DCAKD: variants seen among roughly 807,000 people sequenced by gnomAD.
DCAKD encodes the protein dephospho-CoA kinase domain containing, also known as dephospho-CoA kinase domain-containing protein.
DCAKD carries 15 observed loss-of-function variants against 18.7 expected under a neutral mutation model. The observed-to-expected ratio is 0.80, with a 90% CI of 0.54 to 1.24. The LOEUF (loss-of-function observed/expected upper bound fraction) is 1.24, where lower values mean the gene tolerates loss of function less well. Among genes scored for constraint, DCAKD ranks in the 50% most tolerant of loss-of-function variants. The probability of loss-of-function intolerance (pLI) is 0.00; values close to 1 mark genes in which losing one functional copy is unlikely to be tolerated. For missense variants in DCAKD, 301 were observed against 322.0 expected, an observed-to-expected ratio of 0.93 and a Z score of 0.50; for synonymous variants, 130 against 133.0, an observed-to-expected ratio of 0.98 and a Z score of 0.16.
Position 45,045,740 on chromosome 17 carries a change from A to C in DCAKD, c.-115+5621T>G, listed in dbSNP as rs1202617622. 2.4e-4 allele frequency among the ~76,000 whole-genome samples: 37 copies of C among 151,052 alleles called. No individual in the cohort carries two copies. In the Admixed American group the frequency reaches 2.5e-3, roughly 10 times the overall value. The stretch of plus-strand genomic sequence containing the variant: ...GAGCAAGACTCTGTCTCAAAAAAAA[A>C]AAAAAAAAAGATACTTGTTGAATTA... On this transcript the variant is annotated intron_variant, in intron 1 of 4. Coordinates refer to ENST00000651974, the MANE Select transcript of DCAKD (RefSeq NM_001288655.2).
At chr17:45,043,704 C>G (rs2053492847) in intron 1 of DCAKD, among the ~76,000 whole-genome samples, 2 of 152,202 alleles carry the variant, frequency 1.3e-5, no homozygotes, top group Non-Finnish European at 2.9e-5. Flanking sequence ...CGAAGCTGGA[C>G]TTGTCCGAAT....
chr17:45,042,079 GCACTC>G (rs2053451228), intron 1 of DCAKD, among the ~76,000 whole-genome samples: 3 of 151,984 alleles, frequency 2.0e-5, no homozygotes, highest in Non-Finnish European at 4.4e-5. Flanking sequence ...CTGTACCACT[GCACTC>G]CAGCCTGGGT....
In DCAKD at chr17:45,034,197, G is replaced by A; in HGVS notation, c.306C>T (p.Tyr102=). The change falls in exon 3 of 5, where the codon TAC becomes TAT. Residue 102 remains tyrosine (Y), a synonymous_variant. Coordinates refer to ENST00000651974, the MANE Select transcript of DCAKD (RefSeq NM_001288655.2). ...RKEMMKETFK[Y]FLRGYRYVIL... Reference sequence around the variant, plus strand: ...GGCCCTGGCACTTACCCCGGAGGAAGTACTTGAACGTCTCCTTCATCATCT... The same window carrying A: ...GGCCCTGGCACTTACCCCGGAGGAAATACTTGAACGTCTCCTTCATCATCT... 6.2e-7 allele frequency: 1 copy of A among 1,613,984 alleles called. No individual in the cohort carries two copies. Among genetic ancestry groups the A allele is most frequent in the Non-Finnish European group, 8.5e-7 (1 of 1,179,990 alleles).
rs746611957 is a variant in DCAKD, at chr17:45,034,775, G to A, written c.111C>T (p.His37=). Residue 37 remains histidine (H), a splice_region_variant and synonymous_variant, in exon 2 of 5, where the codon CAC becomes CAT. Coordinates refer to ENST00000651974, the MANE Select transcript of DCAKD (RefSeq NM_001288655.2). ...AVIDVDVMAR[H]VVQPGYPAHR... is the part of the protein sequence containing the mutation. ...CCCCAACCTGCCCCTCCAACTCACC[G>A]TGCCGGGCCATCACGTCCACGTCAA... 13 of 1,613,882 alleles carry A rather than the reference G, an allele frequency of 8.1e-6. No homozygotes were observed. The highest frequency in any genetic ancestry group is 7.7e-5 in the South Asian group (7 of 91,038).
rs1597953669 is a variant in DCAKD at position 45,034,443 on chromosome 17, G to C, written c.113-53C>G. On this transcript the variant is annotated intron_variant, in intron 2 of 4. Coordinates refer to ENST00000651974, the MANE Select transcript of DCAKD (RefSeq NM_001288655.2). ...CTCCCTGAAGCCTCAGGGCCAGTCA[G>C]AGGACCTCAGTGACCAGGGGCAAAA... The C allele has an allele frequency of 2.5e-6, 4 of 1,596,640 alleles. No homozygotes were observed. The East Asian group carries it at 6.8e-5, about 27-fold the overall frequency.
At chr17:45,045,549 T>C (rs1232835555) in intron 1 of DCAKD, among the ~76,000 whole-genome samples, 5 of 152,018 alleles carry the variant, frequency 3.3e-5, no homozygotes, top group African/African-American at 9.7e-5. Context: ...CTGGCCAATA[T>C]GGTGAAACCC....
Position 45,034,917 on chromosome 17 carries a change from C to T in DCAKD, c.-32G>A, listed in dbSNP as rs375423921. On this transcript the variant is annotated 5_prime_UTR_variant, in exon 2 of 5. Transcript: ENST00000651974. Reference sequence around the variant, plus strand: ...GGAAAGAGAGCTGTCCGCGAGACTACGGAGCCAGGAGCTACAGAATCACTG... The same window carrying T: ...GGAAAGAGAGCTGTCCGCGAGACTATGGAGCCAGGAGCTACAGAATCACTG... 1.9e-4 allele frequency: 309 copies of T among 1,608,544 alleles called. No individual in the cohort carries two copies. The highest frequency in any genetic ancestry group is 2.2e-4 in the Non-Finnish European group (264 of 1,176,002).
chr17:45,052,839 G>A (rs1404478994), upstream of DCAKD, among the ~76,000 whole-genome samples: 3 of 151,774 alleles, frequency 2.0e-5, no homozygotes, highest in African/African-American at 7.3e-5. Flanking sequence ...CTCCAGCCTG[G>A]GCAACAAAAC....
At chr17:45,036,776 C>T (rs774964725) in intron 1 of DCAKD, among the ~76,000 whole-genome samples, 2 of 152,186 alleles carry the variant, frequency 1.3e-5, no homozygotes, top group African/African-American at 2.4e-5. Flanking sequence ...GTTACCATGT[C>T]TTGGACTTTG....
intron 1 of DCAKD, among the ~76,000 whole-genome samples, chr17:45,057,134 C>T (rs938227087): frequency 7.9e-5 from 12 of 152,100 alleles, no homozygotes; most frequent in African/African-American, 2.9e-4. Flanking sequence ...GTGGCATGAT[C>T]CTGGGTTCCA....
At chr17:45,058,501 C>T (rs1038552109) in intron 1 of DCAKD, among the ~76,000 whole-genome samples, 1 of 151,858 alleles carries the variant, frequency 6.6e-6, no homozygotes, top group Non-Finnish European at 1.5e-5. Flanking sequence ...CTTACTGCAA[C>T]CTCCGCCTCC....
chr17:45,035,114 G>A, intron 1 of DCAKD, 115 bp from the exon 2 acceptor site: 1 of 511,224 alleles, frequency 2.0e-6, no homozygotes, highest in Non-Finnish European at 3.6e-6. Context: ...CCTGAGCTTG[G>A]GGTGCTCTGG....
At chr17:45,041,681 C>T (rs1305632354) in intron 1 of DCAKD, among the ~76,000 whole-genome samples, 1 of 152,110 alleles carries the variant, frequency 6.6e-6, no homozygotes, top group Non-Finnish European at 1.5e-5. Flanking sequence ...TCAGGGCTAA[C>T]TACTCTTCAG....
At chr17:45,033,934 C>T (rs773213813) in intron 3 of DCAKD, 2 of 1,524,486 alleles carry the variant, frequency 1.3e-6, no homozygotes, top group African/African-American at 1.4e-5. Flanking sequence ...AACCAACTTA[C>T]TTCCTGGGCT....
In DCAKD at chr17:45,034,758, T is replaced by G; in HGVS notation, c.112+16A>C. 6.2e-7 allele frequency: 1 copy of G among 1,613,170 alleles called. No homozygotes were observed. On this transcript the variant is annotated intron_variant, in intron 2 of 4. Transcript: ENST00000651974. ...AGCTGCTGTGCACGGCCCCCCAACC[T>G]GCCCCTCCAACTCACCGTGCCGGGC...
chr17:45,053,260 T>G (rs971098521), upstream of DCAKD, among the ~76,000 whole-genome samples: 1 of 148,932 alleles, frequency 6.7e-6, no homozygotes, highest in Admixed American at 6.7e-5. Context: ...TTGTTTGGTT[T>G]GTTTGTTTGT....
intron 3 of DCAKD, among the ~76,000 whole-genome samples, chr17:45,032,507 A>G (rs976815726): frequency 6.6e-6 from 1 of 152,002 alleles, no homozygotes; most frequent in African/African-American, 2.4e-5. Flanking sequence ...TCCCCCAGCC[A>G]GGCACAGTGG....
intron 1 of DCAKD, among the ~76,000 whole-genome samples, chr17:45,046,647 A>G (rs887850470): frequency 1.6e-4 from 24 of 149,030 alleles, no homozygotes; most frequent in Admixed American, 4.7e-4. Flanking sequence ...AAGCAGCTCT[A>G]TGTTTGCCCA....
intron 3 of DCAKD, among the ~76,000 whole-genome samples, chr17:45,033,612 A>G (rs764377256): frequency 1.2e-4 from 19 of 152,066 alleles, no homozygotes; most frequent in Non-Finnish European, 2.6e-4. Flanking sequence ...TTACAGGTGC[A>G]CACCACCATG....
Sources: gnomAD v4.1 joint callset for allele counts (sites outside exome capture counted in the v4.1 genomes callset) on GRCh38, gnomAD v4.1.1 for gene constraint, MANE v1.5 for transcripts, NCBI Gene and HGNC (gene_info 2026-07-23, HGNC 2026-07-21) for gene names.